C1QTNF3: variants seen among roughly 807,000 people sequenced by gnomAD.
The protein encoded by C1QTNF3 is complement C1q tumor necrosis factor-related protein 3.
In C1QTNF3, 26 loss-of-function variants were observed where a neutral mutation model predicts 32.6. That is an observed-to-expected ratio of 0.80 (90% CI 0.58 to 1.11). The LOEUF (loss-of-function observed/expected upper bound fraction) is 1.11. Among genes scored for constraint, C1QTNF3 ranks in the 50% least tolerant of loss-of-function variants. The pLI is 0.00. For synonymous variants in C1QTNF3, 155 were observed against 146.0 expected, an observed-to-expected ratio of 1.06 and a Z score of -0.44; for missense variants, 362 against 398.2, an observed-to-expected ratio of 0.91 and a Z score of 0.77.
chr5:34,100,944 T>C, the C1QTNF3 span, among the ~76,000 whole-genome samples: 46 of 152,176 alleles, frequency 3.0e-4, no homozygotes, highest in African/African-American at 4.8e-4. Flanking sequence ...TTAAAAGATA[T>C]AGGCTTATGG....
Position 34,023,899 on chromosome 5 carries a change from GACCACCC to G in C1QTNF3, c.800+3_800+9del. 1.2e-6 allele frequency: 2 copies of G among 1,611,266 alleles called. No individual in the cohort carries two copies. The highest frequency in any genetic ancestry group is 1.7e-6 in the Non-Finnish European group (2 of 1,177,510). On this transcript the variant is annotated splice_donor_5th_base_variant and intron_variant, in intron 5 of 5. Coordinates refer to ENST00000382065, the MANE Select transcript of C1QTNF3 (RefSeq NM_181435.6). Reference sequence around the variant, plus strand: ...CATGGATGAGACCCATGACAGAAAAGACCACCCACCTGTACATGCTGAAGACTGTGTT... The same window carrying G: ...CATGGATGAGACCCATGACAGAAAAGACCTGTACATGCTGAAGACTGTGTT...
At chr5:34,227,463 T>C in the C1QTNF3 span, among the ~76,000 whole-genome samples, 2 of 152,026 alleles carry the variant, frequency 1.3e-5, no homozygotes, top group East Asian at 1.9e-4. Flanking sequence ...CTACATATAA[T>C]TTATGCATTC....
the C1QTNF3 span, among the ~76,000 whole-genome samples, chr5:34,087,315 C>T: frequency 6.6e-6 from 1 of 151,394 alleles, no homozygotes; most frequent in Non-Finnish European, 1.5e-5. Context: ...ATCATCTTGG[C>T]ATTTAGATAC....
chr5:34,112,321 A>G, the C1QTNF3 span, among the ~76,000 whole-genome samples: 78,229 of 151,740 alleles, frequency 0.52, 22,153 homozygotes, highest in Non-Finnish European at 0.63. Context: ...CCATACTGAA[A>G]GATCTGAGGA....
At chr5:34,118,263 GAGAA>G in the C1QTNF3 span, among the ~76,000 whole-genome samples, 1 of 152,210 alleles carries the variant, frequency 6.6e-6, no homozygotes, top group South Asian at 2.1e-4. Flanking sequence ...AGTTTTGGTA[GAGAA>G]AGAGTTTCTG....
chr5:34,057,844 C>T, the C1QTNF3 span, among the ~76,000 whole-genome samples: 1 of 152,120 alleles, frequency 6.6e-6, no homozygotes, highest in Non-Finnish European at 1.5e-5. Context: ...TTTTTAGAGC[C>T]CACAGTTTCT....
intron 2 of C1QTNF3, among the ~76,000 whole-genome samples, chr5:34,033,857 T>A (rs1416279037): frequency 6.6e-6 from 1 of 152,222 alleles, no homozygotes; most frequent in Non-Finnish European, 1.5e-5. Context: ...TTCATGATAT[T>A]TTTAGATTTT....
the C1QTNF3 span, among the ~76,000 whole-genome samples, chr5:34,153,866 A>C: frequency 1.9e-3 from 291 of 150,088 alleles, 3 homozygotes; most frequent in East Asian, 6.0e-3. Context: ...AAAAAAAAAA[A>C]AAAAAAAAAC....
the C1QTNF3 span, among the ~76,000 whole-genome samples, chr5:34,067,501 G>T: frequency 1.3e-5 from 2 of 152,192 alleles, no homozygotes; most frequent in East Asian, 1.9e-4. Flanking sequence ...CATCTTACAT[G>T]AATGGCGGCA....
the C1QTNF3 span, among the ~76,000 whole-genome samples, chr5:34,213,787 A>AGTGTG: frequency 4.8e-4 from 3 of 6,202 alleles, no homozygotes; most frequent in Non-Finnish European, 2.0e-3. Flanking sequence ...GTATATATAC[A>AGTGTG]TATATATATA....
the C1QTNF3 span, among the ~76,000 whole-genome samples, chr5:34,201,244 T>C: frequency 2.0e-5 from 3 of 152,170 alleles, no homozygotes; most frequent in South Asian, 4.2e-4. Context: ...TTAGAAAAGA[T>C]AATCAGAAAG....
chr5:34,117,762 C>T, the C1QTNF3 span, among the ~76,000 whole-genome samples: 1 of 151,712 alleles, frequency 6.6e-6, no homozygotes, highest in African/African-American at 2.4e-5. Flanking sequence ...CAGAGTGAGA[C>T]TCCATCTCAA....
intron 4 of C1QTNF3, among the ~76,000 whole-genome samples, chr5:34,025,585 C>T (rs1415546606): frequency 1.3e-5 from 2 of 152,198 alleles, no homozygotes; most frequent in Non-Finnish European, 2.9e-5. Flanking sequence ...TTCTCCGTCT[C>T]TTCACTCCCA....
the C1QTNF3 span, among the ~76,000 whole-genome samples, chr5:34,051,227 T>C: frequency 6.6e-6 from 1 of 152,222 alleles, no homozygotes; most frequent in Non-Finnish European, 1.5e-5. Flanking sequence ...CTAGATGGCA[T>C]TTGTGAGCCA....
At chr5:34,124,550 G>A in the C1QTNF3 span, 3 of 660,538 alleles carry the variant, frequency 4.5e-6, no homozygotes, top group African/African-American at 5.4e-5. Context: ...GAGATCTTGT[G>A]AGAATTCACT....
chr5:34,120,509 T>C, the C1QTNF3 span, among the ~76,000 whole-genome samples: 4 of 152,172 alleles, frequency 2.6e-5, no homozygotes, highest in Admixed American at 1.3e-4. Flanking sequence ...TGGTATGATT[T>C]GGTTGTGTCT....
chr5:34,236,858 G>T, the C1QTNF3 span, among the ~76,000 whole-genome samples: 1 of 151,956 alleles, frequency 6.6e-6, no homozygotes, highest in South Asian at 2.1e-4. Flanking sequence ...TTACAGGCAT[G>T]AGCCACCGCA....
At chr5:34,184,715 C>CAAAAAAA in the C1QTNF3 span, among the ~76,000 whole-genome samples, 10 of 129,512 alleles carry the variant, frequency 7.7e-5, no homozygotes, top group African/African-American at 5.6e-5. Context: ...GACTCTGTCT[C>CAAAAAAA]AAAAAAAAAA....
chr5:34,096,356 A>AT, the C1QTNF3 span, among the ~76,000 whole-genome samples: 9 of 143,376 alleles, frequency 6.3e-5, no homozygotes, highest in Non-Finnish European at 1.4e-4. Flanking sequence ...GATATCACTA[A>AT]TTTGGAGTTG....
Sources: gnomAD v4.1 joint callset for allele counts (sites outside exome capture counted in the v4.1 genomes callset) on GRCh38, gnomAD v4.1.1 for gene constraint, MANE v1.5 for transcripts, NCBI Gene and HGNC (gene_info 2026-07-23, HGNC 2026-07-21) for gene names.